The following TNS2 variants were observed in gnomAD, a reference collection of about 807,000 sequenced individuals.
TNS2 encodes the protein tensin-2.
In TNS2, 77 loss-of-function variants were observed where a neutral mutation model predicts 155.7. That is an observed-to-expected ratio of 0.49 (90% confidence interval 0.41 to 0.60). The LOEUF (loss-of-function observed/expected upper bound fraction) is 0.60, where lower values mean the gene tolerates loss of function less well. Ranked by LOEUF, TNS2 falls within the 20% of genes least tolerant of loss-of-function variation. The pLI is 0.00. For synonymous variants in TNS2, 726 were observed against 763.9 expected (o/e 0.95, Z 0.82); for missense variants, 1,703 against 1,868.8 (o/e 0.91, Z 1.64).
In TNS2 at chr12:53,060,560, G is replaced by A; in HGVS notation, c.2768+5G>A. 2 of 1,613,018 alleles carry A rather than the reference G, an allele frequency of 1.2e-6. No individual in the cohort carries two copies. The highest frequency in any genetic ancestry group is 1.7e-6 in the Non-Finnish European group (2 of 1,179,760). ...TCCAGTCCAGGGCAAGGAAAGGTAT[G>A]CAGAGGGGCCGGGGATGCTCGAGTG... On this transcript the variant is annotated splice_donor_5th_base_variant and intron_variant, in intron 19 of 28. Transcript: ENST00000314250. This position sits in a 1 kb window ranked among gnomAD's most constrained non-coding sequence, Gnocchi z 6.1.
Position 53,059,778 on chromosome 12 carries a change from G to A in TNS2, c.2137G>A (p.Ala713Thr). Residue 713 changes from alanine (A) to threonine (T), a missense_variant, in exon 18 of 29, where the codon GCT becomes ACT. Ala to Thr is a moderately conservative substitution (Grantham distance 58, BLOSUM62 0). Coordinates refer to ENST00000314250, the MANE Select transcript of TNS2 (RefSeq NM_170754.4). This position sits in a 1 kb window ranked among gnomAD's most constrained non-coding sequence, Gnocchi z 4.7. Reference protein sequence around the residue: ...ALYGLRLEREAGEGWASEAGK... With the variant: ...ALYGLRLERETGEGWASEAGK... ...GTATGGACTGCGGCTGGAGAGGGAG[G>A]CTGGAGAAGGGTGGGCAAGTGAGGC... The A allele has an allele frequency of 6.2e-7, 1 of 1,612,422 alleles. No individual in the cohort carries two copies. Among genetic ancestry groups the A allele is most frequent in the Non-Finnish European group, 8.5e-7 (1 of 1,179,578 alleles).
Position 53,061,039 on chromosome 12 carries a change from A to G in TNS2, c.3133A>G (p.Ser1045Gly), listed in dbSNP as rs766757196. The G allele has an allele frequency of 4.3e-6, 7 of 1,613,708 alleles. No homozygotes were observed. The highest frequency in any genetic ancestry group is 5.9e-6 in the Non-Finnish European group (7 of 1,179,876). Residue 1045 changes from serine to glycine, a missense_variant, in exon 20 of 29, where the codon AGC becomes GGC. Transcript: ENST00000314250. ...VPSQMPWLVA[S>G]PEPPQSSPTP... ...TTCCCAGATGCCCTGGCTTGTGGCC[A>G]GCCCAGAGCCGCCTCAGAGCTCACC...
At chr12:53,053,301 ATCCACTGAAGGCCCC>A in intron 3 of TNS2, 95 bp from the exon 4 acceptor site, 1 of 1,258,798 alleles carries the variant, frequency 7.9e-7, no homozygotes, top group South Asian at 1.2e-5. Context: ...GCCTGTGCCC[ATCCACTGAAGGCCCC>A]TCCACCTTCC....
chr12:53,056,961 G>C, intron 10 of TNS2, 52 bp from the exon 11 acceptor site: 1 of 1,550,418 alleles, frequency 6.4e-7, no homozygotes, highest in South Asian at 1.2e-5. Flanking sequence ...GGGATGGGAG[G>C]CCAGGATGAA....
At position 53,060,367 on chromosome 12, in the gene TNS2, C is replaced by T. The variant is rs1171513090; in HGVS notation, c.2618-38C>T. On this transcript the variant is annotated intron_variant, in intron 18 of 28. Transcript: ENST00000314250. The surrounding 1 kb of genome is among the most constrained non-coding windows in gnomAD (Gnocchi z 6.1). ...AACAGCTAAGCCAGACAGAAGAGCC[C>T]CATCCTGCTCACAGCCCACCTCTCC... is the stretch of plus-strand genomic sequence containing the variant. The T allele has an allele frequency of 1.3e-6, 2 of 1,599,416 alleles. No homozygotes were observed. Among genetic ancestry groups the T allele is most frequent in the Non-Finnish European group, 1.7e-6 (2 of 1,171,270 alleles).
At chr12:53,049,120 T>C, upstream of TNS2, 1 of 1,532,626 alleles carries the variant, frequency 6.5e-7, no homozygotes, top group South Asian at 1.3e-5. Flanking sequence ...TTGGCCATGT[T>C]CCCAGGAGGG....
intron 6 of TNS2, 124 bp downstream of exon 6, chr12:53,054,138 C>A: frequency 6.4e-7 from 1 of 1,554,920 alleles, no homozygotes; most frequent in Non-Finnish European, 8.8e-7. Context: ...GCGGTATTCT[C>A]CCTCCAGACC....
Position 53,063,297 on chromosome 12 carries a change from C to T in TNS2, c.3992+40C>T. The T allele has an allele frequency of 1.9e-6, 3 of 1,613,972 alleles. No homozygotes were observed. Among genetic ancestry groups the T allele is most frequent in the South Asian group, 2.2e-5 (2 of 91,086 alleles). On this transcript the variant is annotated intron_variant, in intron 26 of 28. Transcript: ENST00000314250. The surrounding 1 kb of genome is among the most constrained non-coding windows in gnomAD (Gnocchi z 5.6). ...CCCTGTAGAACCCCATGCTTAAGGCCCCTGGGGGCTCATGTTTCTGAGTGT... is the reference window on the plus strand; with the variant it reads ...CCCTGTAGAACCCCATGCTTAAGGCTCCTGGGGGCTCATGTTTCTGAGTGT...
intron 4 of TNS2, 39 bp downstream of exon 4, chr12:53,053,488 C>A (rs772336093): frequency 1.2e-6 from 2 of 1,613,142 alleles, no homozygotes; most frequent in South Asian, 1.1e-5. Context: ...GGGCAAGGAA[C>A]CTGGCCATGG....
Position 53,054,428 on chromosome 12 carries a change from G to A in TNS2, c.509G>A (p.Arg170Gln). The A allele has an allele frequency of 6.2e-7, 1 of 1,604,160 alleles. No individual in the cohort carries two copies. The highest frequency in any genetic ancestry group is 2.2e-5 in the East Asian group (1 of 44,788). ...GCCCATGTGCTGCAATCCAAGCACC[G>A]GGACAAGTACCTGGTGAGGGGCGGG... ...ELAHVLQSKH[R>Q]DKYLLFNLSE... The change falls in exon 7 of 29, where the codon CGG becomes CAG. Residue 170 changes from arginine (R) to glutamine (Q), a missense_variant. Physicochemically the swap from Arg to Gln is conservative, Grantham distance 43 (BLOSUM62 1). Coordinates refer to ENST00000314250, the MANE Select transcript of TNS2 (RefSeq NM_170754.4).
intron 17 of TNS2, 21 bp downstream of exon 17, chr12:53,058,848 G>A (rs1944262664): frequency 1.2e-6 from 2 of 1,611,096 alleles, no homozygotes; most frequent in Non-Finnish European, 1.7e-6. Flanking sequence ...AGCCTGCAGG[G>A]TGGGAGGTAC....
chr12:53,054,024 G>A lies in TNS2; in HGVS notation c.350+10G>A, dbSNP rs761408727. ...GCAGCACTCTGCCCAGGTAAGTGAG[G>A]GTGCTGGGGTGGTCCCACGTGACCC... On this transcript the variant is annotated intron_variant, in intron 6 of 28. Coordinates refer to ENST00000314250, the MANE Select transcript of TNS2 (RefSeq NM_170754.4). 2 of 1,614,048 alleles carry A rather than the reference G, an allele frequency of 1.2e-6. No homozygotes were observed. The highest frequency in any genetic ancestry group is 1.7e-5 in the Admixed American group (1 of 60,028).
Position 53,063,332 on chromosome 12 carries a change from C to T in TNS2, c.3993-17C>T. 1 of 1,614,036 alleles carries T rather than the reference C, an allele frequency of 6.2e-7. No homozygotes were observed. The highest frequency in any genetic ancestry group is 2.2e-5 in the East Asian group (1 of 44,864). ...TCATGTTTCTGAGTGTGACCTTCCT[C>T]ACCCTCCTCCTTGCAGGCTCTTCTT... On this transcript the variant is annotated splice_polypyrimidine_tract_variant and intron_variant, in intron 26 of 28. Transcript: ENST00000314250. This position sits in a 1 kb window ranked among gnomAD's most constrained non-coding sequence, Gnocchi z 5.6.
chr12:53,053,725 G>A, intron 4 of TNS2, 49 bp from the exon 5 acceptor site: 4 of 1,602,280 alleles, frequency 2.5e-6, no homozygotes, highest in Non-Finnish European at 3.4e-6. Context: ...ATTGGTCCTT[G>A]CCCCTGCTGT....
In TNS2 at chr12:53,060,358, A is replaced by G. The variant is rs1453139654; in HGVS notation, c.2618-47A>G. 1.3e-6 allele frequency: 2 copies of G among 1,591,794 alleles called. No individual in the cohort carries two copies. The highest frequency in any genetic ancestry group is 4.5e-5 in the East Asian group (2 of 44,434). ...AGGGTGAGAAACAGCTAAGCCAGACAGAAGAGCCCCATCCTGCTCACAGCC... is the reference window on the plus strand; with the variant it reads ...AGGGTGAGAAACAGCTAAGCCAGACGGAAGAGCCCCATCCTGCTCACAGCC... On this transcript the variant is annotated intron_variant, in intron 18 of 28. Transcript: ENST00000314250. This position sits in a 1 kb window ranked among gnomAD's most constrained non-coding sequence, Gnocchi z 6.1.
upstream of TNS2, chr12:53,048,933 T>C (rs113958043): frequency 4.3e-6 from 2 of 461,436 alleles, no homozygotes. Context: ...ACCATGCAAA[T>C]GAGAGGGGCA....
At chr12:53,049,188 C>T, upstream of TNS2, 2 of 1,597,808 alleles carry the variant, frequency 1.3e-6, no homozygotes, top group Non-Finnish European at 1.7e-6. Flanking sequence ...ACCTCCTGTC[C>T]AGTCCTCAGG....
rs1421762567 is a variant in TNS2 at position 53,060,031 on chromosome 12, G to A, written c.2390G>A (p.Ser797Asn). The A allele has an allele frequency of 6.2e-7, 1 of 1,613,566 alleles. No individual in the cohort carries two copies. The highest frequency in any genetic ancestry group is 2.2e-5 in the East Asian group (1 of 44,878). Residue 797 changes from serine (S) to asparagine (N), a missense_variant, in exon 18 of 29, where the codon AGT becomes AAT. Coordinates refer to ENST00000314250, the MANE Select transcript of TNS2 (RefSeq NM_170754.4). The surrounding 1 kb of genome is among the most constrained non-coding windows in gnomAD (Gnocchi z 6.1). ...TACAGCTATGGAGGAGCAGTTCCCA[G>A]TTACTGCCCAGCATATGGCCGTGTG... The part of the protein sequence containing the change: ...VTYSYGGAVP[S>N]YCPAYGRVPH...
At position 53,062,449 on chromosome 12, in the gene TNS2, C is replaced by T. The variant is rs777689900; in HGVS notation, c.3741C>T (p.Ser1247=). The change falls in exon 24 of 29, where the codon AGC becomes AGT. Residue 1247 remains serine (S), a synonymous_variant. Transcript: ENST00000314250. ...ISLPCCLRIP[S]KDPLEETPEA... Reference sequence around the variant, plus strand: ...TGCCCTGCTGCCTGCGCATTCCCAGCAAAGGTGAGTGTCTGGTCATCTGTC... The same window carrying T: ...TGCCCTGCTGCCTGCGCATTCCCAGTAAAGGTGAGTGTCTGGTCATCTGTC... 1.2e-6 allele frequency: 2 copies of T among 1,613,682 alleles called. No homozygotes were observed. The highest frequency in any genetic ancestry group is 2.7e-5 in the African/African-American group (2 of 74,878).
Sources: gnomAD v4.1 joint callset for allele counts on GRCh38, gnomAD v4.1.1 for gene constraint, Gnocchi (gnomAD v3.1) non-coding constraint, MANE v1.5 for transcripts, NCBI Gene and HGNC (gene_info 2026-07-23, HGNC 2026-07-21) for gene names.